The following GFM2 variants were observed in gnomAD, a reference collection of about 807,000 sequenced individuals.
GFM2 encodes ribosome-releasing factor 2, mitochondrial.
In GFM2, 72 loss-of-function variants were observed where a neutral mutation model predicts 95.4. That is an observed-to-expected ratio of 0.76 (90% confidence interval 0.62 to 0.92). GFM2 has a LOEUF of 0.92. Among genes scored for constraint, GFM2 ranks in the 40% least tolerant of loss-of-function variants. The pLI is 0.00. For synonymous variants in GFM2, 276 were observed against 317.5 expected, an observed-to-expected ratio of 0.87 and a Z score of 1.39; for missense variants, 825 against 924.1, an observed-to-expected ratio of 0.89 and a Z score of 1.39.
At chr5:74,752,523 T>C (rs2112329147) in intron 5 of GFM2, among the ~76,000 whole-genome samples, 1 of 152,352 alleles carries the variant, frequency 6.6e-6, no homozygotes, top group East Asian at 1.9e-4. Flanking sequence ...TGTATTAGTG[T>C]CAGTTATTCC....
At chr5:74,744,613 G>A (rs1050603350) in intron 10 of GFM2, among the ~76,000 whole-genome samples, 15 of 152,244 alleles carry the variant, frequency 9.9e-5, no homozygotes, top group African/African-American at 2.9e-4. Context: ...GAGGCCCAGA[G>A]CTATATACCA....
intron 17 of GFM2, among the ~76,000 whole-genome samples, chr5:74,729,365 G>A (rs539998708): frequency 6.6e-5 from 10 of 152,258 alleles, no homozygotes; most frequent in African/African-American, 2.2e-4. Context: ...CAAGCACTAG[G>A]TTAGAGACAA....
intron 3 of GFM2, among the ~76,000 whole-genome samples, chr5:74,759,844 C>T (rs968424128): frequency 6.6e-6 from 1 of 152,098 alleles, no homozygotes; most frequent in Non-Finnish European, 1.5e-5. Context: ...TAAGAGTGAT[C>T]CTCATGTCAG....
chr5:74,737,873 T>C (rs1418858820), intron 14 of GFM2, among the ~76,000 whole-genome samples: 2 of 152,134 alleles, frequency 1.3e-5, no homozygotes, highest in East Asian at 3.8e-4. Flanking sequence ...CTATGGACTG[T>C]AGGGCATTGA....
intron 1 of GFM2, among the ~76,000 whole-genome samples, chr5:74,764,663 T>G (rs1744451703): frequency 6.6e-6 from 1 of 152,078 alleles, no homozygotes; most frequent in African/African-American, 2.4e-5. Context: ...TCATTACTAC[T>G]CCTAAGTCTG....
intron 17 of GFM2, 118 bp from the exon 18 acceptor site, chr5:74,726,244 G>T: frequency 3.0e-6 from 2 of 656,056 alleles, no homozygotes; most frequent in African/African-American, 1.8e-5. Context: ...AAGTGGGAGA[G>T]AATATTAACA....
Position 74,751,489 on chromosome 5 carries a change from A to G in GFM2, c.309T>C (p.Val103=). 1 of 1,608,448 alleles carries G rather than the reference A, an allele frequency of 6.2e-7. No homozygotes were observed. Among genetic ancestry groups the G allele is most frequent in the South Asian group, 1.1e-5 (1 of 90,904 alleles). ...YSGYTRSLGD[V]DDGDTVTDFM... ...AATCTGTCACTGTGTCTCCATCATCAACATCTAGCCAGGAAAAAGATGATA... is the reference window on the plus strand; with the variant it reads ...AATCTGTCACTGTGTCTCCATCATCGACATCTAGCCAGGAAAAAGATGATA... The change falls in exon 6 of 21, where the codon GTT becomes GTC. Residue 103 remains valine (V), a synonymous_variant. Transcript: ENST00000296805.
intron 17 of GFM2, among the ~76,000 whole-genome samples, chr5:74,728,905 G>A (rs1014039662): frequency 5.9e-5 from 9 of 151,586 alleles, no homozygotes; most frequent in East Asian, 3.9e-4. Flanking sequence ...ATAGGCACTC[G>A]CCACCATTCC....
chr5:74,751,443 T>C lies in GFM2; in HGVS notation c.355A>G (p.Arg119Gly), dbSNP rs926524132. The C allele has an allele frequency of 6.2e-7, 1 of 1,610,032 alleles. No individual in the cohort carries two copies. The highest frequency in any genetic ancestry group is 1.3e-5 in the African/African-American group (1 of 74,846). ...GCAGCTGATTGAATAGTAATGCCTCTTTCTCGCTCTTGGGCCATGAAATCT... is the reference window on the plus strand; with the variant it reads ...GCAGCTGATTGAATAGTAATGCCTCCTTCTCGCTCTTGGGCCATGAAATCT... ...VTDFMAQERE[R>G]GITIQSAAVT... The change falls in exon 6 of 21, where the codon AGA becomes GGA. Residue 119 changes from arginine (R) to glycine (G), a missense_variant. Arg to Gly is a moderately radical substitution (Grantham distance 125). Transcript: ENST00000296805.
chr5:74,756,566 A>G (rs1390547818), intron 5 of GFM2, among the ~76,000 whole-genome samples: 1 of 152,200 alleles, frequency 6.6e-6, no homozygotes, highest in Non-Finnish European at 1.5e-5. Flanking sequence ...TTGCTGGATC[A>G]AATGGTAGTT....
chr5:74,735,739 A>G (rs185155096), intron 15 of GFM2, among the ~76,000 whole-genome samples: 130 of 152,300 alleles, frequency 8.5e-4, no homozygotes, highest in African/African-American at 3.0e-3. Flanking sequence ...CTGTGGGAGC[A>G]TAAGGTGTGG....
intron 11 of GFM2, 125 bp downstream of exon 11, chr5:74,741,404 T>G (rs1743097210): frequency 3.3e-6 from 2 of 607,906 alleles, no homozygotes; most frequent in Non-Finnish European, 5.9e-6. Context: ...CTCCTAACTT[T>G]AAACTTACCA....
At chr5:74,750,254 T>C (rs1743625064) in intron 7 of GFM2, among the ~76,000 whole-genome samples, 1 of 152,210 alleles carries the variant, frequency 6.6e-6, no homozygotes, top group Admixed American at 6.5e-5. Flanking sequence ...GAAACAGAAA[T>C]AACAGTGTAT....
chr5:74,739,483 T>C (rs16872233), intron 12 of GFM2, among the ~76,000 whole-genome samples: 2,052 of 152,262 alleles, frequency 0.013, 47 homozygotes, highest in African/African-American at 0.046. Context: ...AATTTAGAGA[T>C]ATGAAAAGTT....
intron 5 of GFM2, 100 bp downstream of exon 5, chr5:74,758,747 CTA>C: frequency 1.4e-6 from 1 of 710,734 alleles, no homozygotes; most frequent in Admixed American, 2.1e-5. Context: ...ATCAGTAGCT[CTA>C]TGCCATATTC....
At position 74,733,101 on chromosome 5, in the gene GFM2, A is replaced by G; in HGVS notation, c.1511-3T>C. The G allele has an allele frequency of 6.2e-7, 1 of 1,601,704 alleles. No homozygotes were observed. Among genetic ancestry groups the G allele is most frequent in the Non-Finnish European group, 8.6e-7 (1 of 1,168,828 alleles). ...ACATTTCAACGCATGTTCCAAATCTATGGGATAAACAACTGTTATCTTTAC... is the reference window on the plus strand; with the variant it reads ...ACATTTCAACGCATGTTCCAAATCTGTGGGATAAACAACTGTTATCTTTAC... On this transcript the variant is annotated splice_polypyrimidine_tract_variant and splice_region_variant and intron_variant, in intron 15 of 20. Transcript: ENST00000296805.
intron 14 of GFM2, among the ~76,000 whole-genome samples, chr5:74,738,100 A>G (rs945718790): frequency 6.6e-6 from 1 of 152,142 alleles, no homozygotes; most frequent in Non-Finnish European, 1.5e-5. Context: ...TTTGAACTTT[A>G]TATGAATACA....
intron 1 of GFM2, among the ~76,000 whole-genome samples, chr5:74,764,358 G>A (rs1744433347): frequency 6.6e-6 from 1 of 152,232 alleles, no homozygotes; most frequent in African/African-American, 2.4e-5. Context: ...AGCTGAGACT[G>A]GGGATGCTGG....
At chr5:74,726,703 G>A (rs919067289) in intron 17 of GFM2, among the ~76,000 whole-genome samples, 1 of 152,032 alleles carries the variant, frequency 6.6e-6, no homozygotes, top group African/African-American at 2.4e-5. Context: ...TACTATGTCT[G>A]TTACCAATCT....
Sources: allele counts gnomAD v4.1 joint callset (sites outside exome capture counted in the v4.1 genomes callset), GRCh38; gene constraint gnomAD v4.1.1; transcripts MANE v1.5; gene names NCBI Gene and HGNC (gene_info 2026-07-23, HGNC 2026-07-21).